Variants in HSDL2 observed in about 807,000 individuals in gnomAD.
HSDL2 encodes the protein hydroxysteroid dehydrogenase-like protein 2.
Under a neutral mutation model 46.3 loss-of-function variants are expected in HSDL2, and 27 were observed. The observed-to-expected ratio is 0.58, with a 90% CI of 0.43 to 0.80. HSDL2 has a LOEUF of 0.80. HSDL2 is among the 30% of genes least tolerant of loss of function. HSDL2 has a pLI of 0.00. For missense variants in HSDL2, 451 were observed against 502.7 expected, an observed-to-expected ratio of 0.90 and a Z score of 0.98; for synonymous variants, 153 against 163.6, an observed-to-expected ratio of 0.94 and a Z score of 0.50.
Position 112,438,580 on chromosome 9 carries a change from A to T in HSDL2, c.748A>T (p.Lys250Ter), listed in dbSNP as rs965177485. The T allele has an allele frequency of 6.2e-7, 1 of 1,608,972 alleles. No individual in the cohort carries two copies. Among genetic ancestry groups the T allele is most frequent in the African/African-American group, 1.3e-5 (1 of 74,726 alleles). The change falls in exon 7 of 11, where the codon AAA becomes TAA. Residue 250 changes from lysine to a stop codon, truncating the protein, a stop_gained. Transcript: ENST00000398805. LOFTEE classifies it high-confidence loss of function. ...CTTTGTCATTGATGAAAATATCTTA[A>T]AAGAAGAAGGAATAGAAAATTTTGA... ...GNFVIDENIL[K>*]EEGIENFDVY...
chr9:112,412,742 T>A, intron 4 of HSDL2, among the ~76,000 whole-genome samples: 1 of 152,188 alleles, frequency 6.6e-6, no homozygotes, highest in East Asian at 1.9e-4. Flanking sequence ...TACTTTCCTA[T>A]ATTGAGGTCA....
chr9:112,454,458 T>C (rs891640818), intron 9 of HSDL2, among the ~76,000 whole-genome samples: 2 of 151,600 alleles, frequency 1.3e-5, no homozygotes, highest in Admixed American at 6.6e-5. Context: ...CTCCCAATGA[T>C]TTTTATTTCT....
At chr9:112,460,963 T>C (rs1437217139) in intron 10 of HSDL2, among the ~76,000 whole-genome samples, 1 of 152,182 alleles carries the variant, frequency 6.6e-6, no homozygotes, top group African/African-American at 2.4e-5. Flanking sequence ...TTAGTGTATA[T>C]AAATATACAT....
At chr9:112,418,680 C>CAT (rs574309100) in intron 5 of HSDL2, among the ~76,000 whole-genome samples, 180 bp from the exon 6 acceptor site, 2 of 151,178 alleles carry the variant, frequency 1.3e-5, no homozygotes, top group African/African-American at 2.4e-5. Context: ...TATGTATATG[C>CAT]ATATATATAC....
intron 1 of HSDL2, among the ~76,000 whole-genome samples, chr9:112,392,821 T>C (rs1831376788): frequency 6.6e-6 from 1 of 152,218 alleles, no homozygotes; most frequent in Non-Finnish European, 1.5e-5. Context: ...ACGTACATCC[T>C]CAGCTTACAA....
At chr9:112,454,205 A>T in intron 9 of HSDL2, 43 bp downstream of exon 9, 3 of 1,540,040 alleles carry the variant, frequency 1.9e-6, no homozygotes, top group Non-Finnish European at 2.7e-6. Flanking sequence ...ATGAAACAAA[A>T]TGGGGTGTTT....
chr9:112,420,514 A>AC (rs1554711431), intron 6 of HSDL2, among the ~76,000 whole-genome samples: 48 of 118,248 alleles, frequency 4.1e-4, no homozygotes, highest in Middle Eastern at 4.0e-3. Flanking sequence ...CTTAAAAAAA[A>AC]AAACACACAC....
chr9:112,401,041 C>T (rs900973334), intron 1 of HSDL2, among the ~76,000 whole-genome samples: 3 of 152,024 alleles, frequency 2.0e-5, no homozygotes, highest in Non-Finnish European at 2.9e-5. Context: ...GAGATAAGGC[C>T]GGGGTTATCT....
chr9:112,386,660 C>T (rs888575276), intron 1 of HSDL2, among the ~76,000 whole-genome samples: 6 of 151,854 alleles, frequency 4.0e-5, no homozygotes, highest in Admixed American at 2.6e-4. Context: ...GATGCACACC[C>T]GTGATCCTAG....
At chr9:112,424,660 G>A (rs1312042030) in intron 6 of HSDL2, among the ~76,000 whole-genome samples, 1 of 151,858 alleles carries the variant, frequency 6.6e-6, no homozygotes, top group East Asian at 1.9e-4. Flanking sequence ...CAGCCCTTTA[G>A]AGTATATAAG....
chr9:112,449,275 C>CG (rs1564128804), intron 8 of HSDL2, among the ~76,000 whole-genome samples: 6 of 151,606 alleles, frequency 4.0e-5, no homozygotes, highest in Admixed American at 3.9e-4. Flanking sequence ...TTAGTAGAGA[C>CG]GGGGTTTCAC....
chr9:112,408,762 C>A, intron 3 of HSDL2, 145 bp from the exon 4 acceptor site: 2 of 523,146 alleles, frequency 3.8e-6, no homozygotes, highest in Non-Finnish European at 6.8e-6. Context: ...GACCATGTTG[C>A]GTATATGGGC....
At chr9:112,410,924 G>T (rs1031045149) in intron 4 of HSDL2, among the ~76,000 whole-genome samples, 1 of 152,184 alleles carries the variant, frequency 6.6e-6, no homozygotes, top group Non-Finnish European at 1.5e-5. Context: ...GCGAGACCCT[G>T]TCTCAAAAAC....
At chr9:112,451,698 G>A (rs973918425) in intron 8 of HSDL2, among the ~76,000 whole-genome samples, 9 of 150,732 alleles carry the variant, frequency 6.0e-5, no homozygotes, top group African/African-American at 2.2e-4. Flanking sequence ...TGGTGTCATG[G>A]TAATACTGAC....
chr9:112,395,831 T>A (rs1200509307), intron 1 of HSDL2, among the ~76,000 whole-genome samples: 1 of 152,202 alleles, frequency 6.6e-6, no homozygotes, highest in Non-Finnish European at 1.5e-5. Context: ...GGTTCCACAT[T>A]TCCAAGTTGT....
chr9:112,435,267 CAT>C (rs1331330808), intron 6 of HSDL2, among the ~76,000 whole-genome samples: 4 of 152,018 alleles, frequency 2.6e-5, no homozygotes, highest in Non-Finnish European at 5.9e-5. Flanking sequence ...TTATACATGA[CAT>C]ATTTTATTAG....
intron 6 of HSDL2, among the ~76,000 whole-genome samples, chr9:112,420,137 T>G (rs115793492): frequency 0.011 from 1,658 of 152,132 alleles, 37 homozygotes; most frequent in African/African-American, 0.038. Flanking sequence ...GGCCAGGAGT[T>G]TGAGACAAGC....
intron 1 of HSDL2, among the ~76,000 whole-genome samples, chr9:112,391,349 C>A (rs56915944): frequency 6.6e-6 from 1 of 151,450 alleles, no homozygotes; most frequent in Non-Finnish European, 1.5e-5. Context: ...GGCATGCACC[C>A]GTAGTTCCAG....
Position 112,419,341 on chromosome 9 carries a change from A to G in HSDL2, c.598+383A>G, listed in dbSNP as rs372079537. On this transcript the variant is annotated intron_variant, in intron 6 of 10. Coordinates refer to ENST00000398805, the MANE Select transcript of HSDL2 (RefSeq NM_032303.5). ...TCTTGAGGTGCATCTTGGGTATGATAGGGTGAGAGTATGTAGACTGTTAAT... is the reference window on the plus strand; with the variant it reads ...TCTTGAGGTGCATCTTGGGTATGATGGGGTGAGAGTATGTAGACTGTTAAT... Among the ~76,000 whole-genome samples the G allele has an allele frequency of 3.9e-5, 6 of 152,280 alleles. No individual in the cohort carries two copies. The South Asian group carries it at 1.0e-3, about 26-fold the overall frequency.
Sources: gnomAD v4.1 joint callset for allele counts (sites outside exome capture counted in the v4.1 genomes callset) on GRCh38, gnomAD v4.1.1 for gene constraint, MANE v1.5 for transcripts, NCBI Gene and HGNC (gene_info 2026-07-23, HGNC 2026-07-21) for gene names.